Variants in NFYA observed in about 807,000 individuals in gnomAD.
NFYA encodes CAAT-box DNA binding protein subunit A.
A neutral mutation model predicts 52.8 loss-of-function variants in NFYA; 28 were observed. The observed-to-expected ratio is 0.53, with a 90% CI of 0.39 to 0.73. The LOEUF is 0.73. Ranked by LOEUF, NFYA falls within the 30% of genes least tolerant of loss-of-function variation. The probability of loss-of-function intolerance (pLI) is 0.00; values close to 1 mark genes in which losing one functional copy is unlikely to be tolerated. For synonymous variants in NFYA, 150 were observed against 150.7 expected, an observed-to-expected ratio of 1.00 and a Z score of 0.03; for missense variants, 234 against 427.0, an observed-to-expected ratio of 0.55 and a Z score of 3.98.
chr6:41,073,614 C>G (rs934103624), intron 1 of NFYA, among the ~76,000 whole-genome samples: 4 of 152,108 alleles, frequency 2.6e-5, no homozygotes, highest in Non-Finnish European at 4.4e-5. Context: ...TGCAGCCCCT[C>G]TAGGTCGGGA....
rs987004961 is a variant in NFYA, at chr6:41,101,273, G to A, written c.*3863G>A. 6.6e-5 allele frequency: 10 copies of A among 152,250 alleles called. No individual in the cohort carries two copies. Among genetic ancestry groups the A allele is most frequent in the African/African-American group, 2.4e-4 (10 of 41,472 alleles). 9.4% of individuals were successfully genotyped at this position (152,250 alleles called of 1,614,324 possible). On this transcript the variant is annotated 3_prime_UTR_variant, in exon 10 of 10. Coordinates refer to ENST00000341376, the MANE Select transcript of NFYA (RefSeq NM_002505.5). ...CCCCTGGAGGCCTCGACGGTTACAG[G>A]CCTAGCCTCCCGCGAGCTAAGGCAC...
At position 41,098,579 on chromosome 6, in the gene NFYA, T is replaced by C. The variant is rs1168922019; in HGVS notation, c.*1169T>C. Reference sequence around the variant, plus strand: ...TGGAAAGCACTGGTCAGTCACACTGTCCTGGACAGAGTCCAAGTTACCCAC... The same window carrying C: ...TGGAAAGCACTGGTCAGTCACACTGCCCTGGACAGAGTCCAAGTTACCCAC... On this transcript the variant is annotated 3_prime_UTR_variant, in exon 10 of 10. Coordinates refer to ENST00000341376, the MANE Select transcript of NFYA (RefSeq NM_002505.5). 3 of 152,762 alleles carry C rather than the reference T, an allele frequency of 2.0e-5. No individual in the cohort carries two copies. The highest frequency in any genetic ancestry group is 2.9e-5 in the Non-Finnish European group (2 of 68,124). 9.5% of individuals were successfully genotyped at this position (152,762 alleles called of 1,614,324 possible).
intron 8 of NFYA, among the ~76,000 whole-genome samples, 156 bp from the exon 9 acceptor site, chr6:41,094,240 T>C (rs1176941163): frequency 6.6e-6 from 1 of 152,218 alleles, no homozygotes; most frequent in African/African-American, 2.4e-5. Flanking sequence ...TACTAGGTGT[T>C]TTCTCCAAAG....
chr6:41,080,351 T>C (rs1183098262), intron 2 of NFYA, among the ~76,000 whole-genome samples: 3 of 152,072 alleles, frequency 2.0e-5, no homozygotes, highest in Admixed American at 1.3e-4. Flanking sequence ...AGCATTGACG[T>C]CATGAAGATG....
At chr6:41,081,553 T>G (rs1057075532) in intron 3 of NFYA, among the ~76,000 whole-genome samples, 4 of 151,912 alleles carry the variant, frequency 2.6e-5, no homozygotes. Context: ...ATGGTAAAAA[T>G]TTTGTGTATT....
chr6:41,096,304 C>T (rs1582039340), intron 9 of NFYA, among the ~76,000 whole-genome samples: 1 of 152,186 alleles, frequency 6.6e-6, no homozygotes, highest in Non-Finnish European at 1.5e-5. Context: ...GTGTGAGAGC[C>T]CCTCCTTTCT....
rs1355650143 is a variant in NFYA at position 41,101,904 on chromosome 6, G to A, written c.*4494G>A. On this transcript the variant is annotated 3_prime_UTR_variant, in exon 10 of 10. Coordinates refer to ENST00000341376, the MANE Select transcript of NFYA (RefSeq NM_002505.5). ...TGTTAATGGATAAAGGAATTACTCA[G>A]CTTGAAGGGATCTGTTTCCTTTACA... 6.6e-6 allele frequency: 1 copy of A among 152,242 alleles called. No homozygotes were observed. Among genetic ancestry groups the A allele is most frequent in the Non-Finnish European group, 1.5e-5 (1 of 68,056 alleles). The allele number at this position is 152,242 out of a possible 1,614,324, so 9.4% of individuals were successfully genotyped here.
rs1764456497 is a variant in NFYA, at chr6:41,100,009, G to C, written c.*2599G>C. The C allele has an allele frequency of 1.3e-5, 2 of 152,100 alleles. No individual in the cohort carries two copies. The highest frequency in any genetic ancestry group is 6.5e-5 in the Admixed American group (1 of 15,270). 9.4% of individuals were successfully genotyped at this position (152,100 alleles called of 1,614,324 possible). ...GACTTTTGAGGAATCTGCAACTCCT[G>C]GGTTCTAGTTTGTGTTTCCAGTGTT... On this transcript the variant is annotated 3_prime_UTR_variant, in exon 10 of 10. Coordinates refer to ENST00000341376, the MANE Select transcript of NFYA (RefSeq NM_002505.5).
In NFYA at chr6:41,090,733, G is replaced by T. The variant is rs192433899; in HGVS notation, c.547+424G>T. On this transcript the variant is annotated intron_variant, in intron 6 of 9. Transcript: ENST00000341376. The stretch of plus-strand genomic sequence containing the variant: ...TTTTACTAAGAAGGGTCCTCAAAGA[G>T]CCTCTAGTCTAGTAAGAAAGACGTG... Among the ~76,000 whole-genome samples, 328 of 152,244 alleles carry T rather than the reference G, an allele frequency of 2.2e-3. 1 individual carries two copies. Among genetic ancestry groups the T allele is most frequent in the African/African-American group, 7.6e-3 (317 of 41,520 alleles).
intron 3 of NFYA, among the ~76,000 whole-genome samples, chr6:41,083,483 G>GT (rs1763963276): frequency 6.6e-6 from 1 of 152,118 alleles, no homozygotes; most frequent in Non-Finnish European, 1.5e-5. Flanking sequence ...CAGGATAAAG[G>GT]TATACATTTG....
chr6:41,079,191 T>C (rs1157035184), intron 2 of NFYA, 27 bp downstream of exon 2: 4 of 1,608,554 alleles, frequency 2.5e-6, no homozygotes, highest in Non-Finnish European at 3.4e-6. Flanking sequence ...GCTTTAAACA[T>C]TACAGCAATG....
intron 4 of NFYA, among the ~76,000 whole-genome samples, chr6:41,088,692 C>G (rs1764115324): frequency 1.3e-5 from 2 of 151,826 alleles, no homozygotes; most frequent in Non-Finnish European, 2.9e-5. Flanking sequence ...TCAAATGATC[C>G]TCCCACCTCA....
At chr6:41,093,133 C>T (rs766092230) in intron 8 of NFYA, 48 bp downstream of exon 8, 3 of 1,532,338 alleles carry the variant, frequency 2.0e-6, no homozygotes, top group Non-Finnish European at 2.7e-6. Flanking sequence ...TAGCAGGGTT[C>T]TACTTTTGAA....
In NFYA at chr6:41,094,482, T is replaced by G. The variant is rs773276999; in HGVS notation, c.975T>G (p.Asp325Glu). Residue 325 changes from aspartate (D) to glutamate (E), a missense_variant, in exon 9 of 10, where the codon GAT (aspartate) becomes GAG (glutamate). By Grantham distance (45) the Asp-to-Glu change is conservative. Around this residue, in one of 3 missense-constraint regions of NFYA, gnomAD observed 35 missense variants for 34.2 expected, o/e 1.02. Coordinates refer to ENST00000341376, the MANE Select transcript of NFYA (RefSeq NM_002505.5). ...GATTTTTCTCTCCAAAGGAAAAGGA[T>G]AGTCCCCATATGCAGGTAGGAAGAC... is the stretch of plus-strand genomic sequence containing the variant. ...GGRFFSPKEK[D>E]SPHMQDPNQA... 5.0e-6 allele frequency: 8 copies of G among 1,613,904 alleles called. No homozygotes were observed. In the East Asian group the frequency reaches 1.8e-4, roughly 36 times the overall value.
At chr6:41,077,053 G>A (rs1444737344) in intron 1 of NFYA, among the ~76,000 whole-genome samples, 1 of 152,094 alleles carries the variant, frequency 6.6e-6, no homozygotes, top group Non-Finnish European at 1.5e-5. Flanking sequence ...AAGAAAATCT[G>A]TACGTTACAT....
At position 41,099,325 on chromosome 6, in the gene NFYA, A is replaced by C. The variant is rs1461463057; in HGVS notation, c.*1915A>C. 2 of 152,240 alleles carry C rather than the reference A, an allele frequency of 1.3e-5. No individual in the cohort carries two copies. Among genetic ancestry groups the C allele is most frequent in the African/African-American group, 4.8e-5 (2 of 41,466 alleles). 9.4% of individuals were successfully genotyped at this position (152,240 alleles called of 1,614,324 possible). A position where few individuals can be genotyped will look rare whatever the true frequency, so the allele number is the denominator to read the frequency against. On this transcript the variant is annotated 3_prime_UTR_variant, in exon 10 of 10. Coordinates refer to ENST00000341376, the MANE Select transcript of NFYA (RefSeq NM_002505.5). ...TAGGAGTCTAAGATGCAGAGTTCAG[A>C]AAGAAATTACTCAGACCTAACTTTG... is the stretch of plus-strand genomic sequence containing the variant.
In NFYA at chr6:41,099,905, G is replaced by A. The variant is rs1401006655; in HGVS notation, c.*2495G>A. On this transcript the variant is annotated 3_prime_UTR_variant, in exon 10 of 10. Coordinates refer to ENST00000341376, the MANE Select transcript of NFYA (RefSeq NM_002505.5). Reference sequence around the variant, plus strand: ...GTTTTTCCCCCAGCAGTATGGGGGCGTACAGGTGATCGATCATTAATGTCA... The same window carrying A: ...GTTTTTCCCCCAGCAGTATGGGGGCATACAGGTGATCGATCATTAATGTCA... 3.3e-5 allele frequency: 5 copies of A among 152,034 alleles called. No individual in the cohort carries two copies. Among genetic ancestry groups the A allele is most frequent in the Non-Finnish European group, 1.5e-5 (1 of 68,000 alleles). The allele number at this position is 152,034 out of a possible 1,614,324, so 9.4% of individuals were successfully genotyped here.
chr6:41,100,850 G>A lies in NFYA; in HGVS notation c.*3440G>A, dbSNP rs1395927131. On this transcript the variant is annotated 3_prime_UTR_variant, in exon 10 of 10. Transcript: ENST00000341376. Reference sequence around the variant, plus strand: ...CAGCCCCTTCTCCCCGGGGAAGTAGGCCCCGCTAAGAATGTGGGAAGGTGG... The same window carrying A: ...CAGCCCCTTCTCCCCGGGGAAGTAGACCCCGCTAAGAATGTGGGAAGGTGG... Among the ~76,000 whole-genome samples, 2 of 152,248 alleles carry A rather than the reference G, an allele frequency of 1.3e-5. No homozygotes were observed. Among genetic ancestry groups the A allele is most frequent in the African/African-American group, 4.8e-5 (2 of 41,478 alleles).
At chr6:41,081,737 T>C (rs1361509504) in intron 3 of NFYA, among the ~76,000 whole-genome samples, 1 of 152,222 alleles carries the variant, frequency 6.6e-6, no homozygotes, top group Non-Finnish European at 1.5e-5. Context: ...TTGTTTCCAC[T>C]ACCTTTCCTG....
Sources: gnomAD v4.1 joint callset for allele counts (sites outside exome capture counted in the v4.1 genomes callset) on GRCh38, gnomAD v4.1.1 for gene constraint, gnomAD v4.1.1 regional missense constraint, MANE v1.5 for transcripts, NCBI Gene and HGNC (gene_info 2026-07-23, HGNC 2026-07-21) for gene names.